Variants in PRKN observed in about 807,000 individuals in gnomAD.
The protein encoded by PRKN is E3 ubiquitin-protein ligase parkin.
In PRKN, 56 loss-of-function variants were observed where a neutral mutation model predicts 59.5. The observed-to-expected ratio is 0.94, with a 90% CI of 0.76 to 1.18. The LOEUF is 1.18. Ranked by LOEUF, PRKN falls within the 50% of genes most tolerant of loss-of-function variation. The pLI is 0.00. For synonymous variants in PRKN, 250 were observed against 222.1 expected (o/e 1.13, Z -1.12); for missense variants, 657 against 596.4 (o/e 1.10, Z -1.06).
chr6:161,394,105 C>A (rs1420755843), intron 9 of PRKN, among the ~76,000 whole-genome samples: 2 of 152,184 alleles, frequency 1.3e-5, no homozygotes, highest in African/African-American at 4.8e-5. Context: ...CTCGTTCTGA[C>A]AAGACAGTGC....
At chr6:162,218,802 T>C (rs1317317487) in intron 3 of PRKN, among the ~76,000 whole-genome samples, 1 of 152,118 alleles carries the variant, frequency 6.6e-6, no homozygotes, top group Admixed American at 6.6e-5. Flanking sequence ...CCTCCACTCA[T>C]GTTCCTCCGT....
At chr6:162,192,317 T>C (rs1373132868) in intron 4 of PRKN, among the ~76,000 whole-genome samples, 2 of 152,096 alleles carry the variant, frequency 1.3e-5, no homozygotes, top group African/African-American at 2.4e-5. Flanking sequence ...GTGTACCTCA[T>C]TGCCATAATG....
Position 162,006,546 on chromosome 6 carries a change from T to C in PRKN, c.619-33129A>G, listed in dbSNP as rs557037935. On this transcript the variant is annotated intron_variant, in intron 5 of 11. Coordinates refer to ENST00000366898, the MANE Select transcript of PRKN (RefSeq NM_004562.3). ...CCATGGTCTACAAGACCAACGTGAG[T>C]TGGCCCAGTCTGCACTCCACTCCTG... Among the ~76,000 whole-genome samples the C allele has an allele frequency of 4.6e-5, 7 of 152,296 alleles. No individual in the cohort carries two copies. In the East Asian group the frequency reaches 1.2e-3, roughly 25 times the overall value.
intron 4 of PRKN, among the ~76,000 whole-genome samples, chr6:162,178,613 G>C (rs1391704031): frequency 6.6e-6 from 1 of 152,168 alleles, no homozygotes; most frequent in African/African-American, 2.4e-5. Context: ...GTAGGATATT[G>C]TCACGTGCTG....
Position 162,215,861 on chromosome 6 carries a change from T to C in PRKN, c.413-14609A>G, listed in dbSNP as rs1211611266. 2.6e-5 allele frequency among the ~76,000 whole-genome samples: 4 copies of C among 151,484 alleles called. No homozygotes were observed. The East Asian group carries it at 7.9e-4, about 30-fold the overall frequency. ...GAGTTCAAGACTAGCTTGGCCAACA[T>C]GGTGAAACCCCATCTCTACTAAAAA... is the stretch of plus-strand genomic sequence containing the variant. On this transcript the variant is annotated intron_variant, in intron 3 of 11. Transcript: ENST00000366898.
intron 1 of PRKN, among the ~76,000 whole-genome samples, chr6:162,509,660 A>C (rs1218992524): frequency 6.6e-6 from 1 of 152,206 alleles, no homozygotes; most frequent in Non-Finnish European, 1.5e-5. Context: ...CAGAGATAGC[A>C]AATGTCTTAC....
chr6:162,375,623 CA>C (rs1222944021), intron 2 of PRKN, among the ~76,000 whole-genome samples: 2 of 151,788 alleles, frequency 1.3e-5, no homozygotes, highest in African/African-American at 2.4e-5. Flanking sequence ...GTCTGAAATA[CA>C]GAACACTTAT....
At chr6:161,714,875 T>A (rs950814780) in intron 7 of PRKN, among the ~76,000 whole-genome samples, 1 of 152,204 alleles carries the variant, frequency 6.6e-6, no homozygotes, top group Non-Finnish European at 1.5e-5. Flanking sequence ...TATCAGTGTT[T>A]ACTTCCTTGA....
At chr6:162,531,767 T>G (rs1778525172) in intron 1 of PRKN, among the ~76,000 whole-genome samples, 1 of 151,992 alleles carries the variant, frequency 6.6e-6, no homozygotes, top group South Asian at 2.1e-4. Context: ...GGCAATCTAG[T>G]CCCCAGGCAA....
chr6:162,242,036 C>T lies in PRKN; in HGVS notation c.412+20489G>A, dbSNP rs185340747. 3.3e-5 allele frequency among the ~76,000 whole-genome samples: 5 copies of T among 151,854 alleles called. No homozygotes were observed. The South Asian group carries it at 6.2e-4, about 19-fold the overall frequency. On this transcript the variant is annotated intron_variant, in intron 3 of 11. Transcript: ENST00000366898. ...CCATGGATAATTCTAAAATAAACTC[C>T]CACATTTAAAATTAAGGAGCCACAA...
chr6:161,426,849 G>C (rs1413748254), intron 9 of PRKN, among the ~76,000 whole-genome samples: 1 of 151,982 alleles, frequency 6.6e-6, no homozygotes, highest in African/African-American at 2.4e-5. Context: ...CTTCCGAGTA[G>C]CTGGGACTAC....
intron 1 of PRKN, among the ~76,000 whole-genome samples, chr6:162,527,188 TAGCA>T (rs1461691177): frequency 6.6e-6 from 1 of 152,172 alleles, no homozygotes; most frequent in Non-Finnish European, 1.5e-5. Flanking sequence ...GGGCAGTTTC[TAGCA>T]AGGATGAGCA....
chr6:161,655,421 C>T (rs576690695), intron 7 of PRKN, among the ~76,000 whole-genome samples: 1 of 152,096 alleles, frequency 6.6e-6, no homozygotes, highest in African/African-American at 2.4e-5. Flanking sequence ...CCCACCCAGG[C>T]TCTCACCACC....
chr6:162,270,821 GA>G (rs1780347006), intron 2 of PRKN: 1 of 151,462 alleles, frequency 6.6e-6, no homozygotes, highest in African/African-American at 2.4e-5. Context: ...TGCTTCTTCT[GA>G]AAATAACTTC....
intron 7 of PRKN, among the ~76,000 whole-genome samples, chr6:161,757,878 T>TAC (rs1172982499): frequency 6.3e-5 from 6 of 94,696 alleles, no homozygotes; most frequent in African/African-American, 3.0e-4. Context: ...TCTCTGTGTA[T>TAC]ATATATATAC....
At position 161,473,008 on chromosome 6, in the gene PRKN, G is replaced by A. The variant is rs142991142; in HGVS notation, c.1083+75846C>T. ...AAAAAGACATAACAAGCGGTAGCAC[G>A]GGTTGGAGAAAAGGGAACCCTGACA... On this transcript the variant is annotated intron_variant, in intron 9 of 11. Transcript: ENST00000366898. The surrounding 1 kb of genome is among the most constrained non-coding windows in gnomAD (Gnocchi z 4.1). 6.8e-4 allele frequency among the ~76,000 whole-genome samples: 103 copies of A among 152,236 alleles called. 4 individuals are homozygous for A. The East Asian group carries it at 0.015, about 22-fold the overall frequency.
intron 1 of PRKN, among the ~76,000 whole-genome samples, chr6:162,618,602 C>T (rs2846528): frequency 0.61 from 93,120 of 151,932 alleles, 29,254 homozygotes; most frequent in African/African-American, 0.75. Context: ...AAGAGTTTTA[C>T]TGCAGACTGA....
rs143846530 is a variant in PRKN at position 162,172,732 on chromosome 6, C to T, written c.534+28399G>A. ...TTTGTCATGTACTTTACAAAAGTGACAGGTTCCTATTCTTGGAAATGAATC... is the reference window on the plus strand; with the variant it reads ...TTTGTCATGTACTTTACAAAAGTGATAGGTTCCTATTCTTGGAAATGAATC... On this transcript the variant is annotated intron_variant, in intron 4 of 11. Transcript: ENST00000366898. Among the ~76,000 whole-genome samples, 16 of 152,230 alleles carry T rather than the reference C, an allele frequency of 1.1e-4. No homozygotes were observed. In the East Asian group the frequency reaches 3.1e-3, roughly 29 times the overall value.
intron 1 of PRKN, among the ~76,000 whole-genome samples, chr6:162,561,639 C>T (rs952420883): frequency 2.6e-5 from 4 of 152,158 alleles, no homozygotes; most frequent in African/African-American, 9.7e-5. Context: ...GGGCGAAGAG[C>T]ATCTCTGGGC....
Sources: allele counts gnomAD v4.1 joint callset (sites outside exome capture counted in the v4.1 genomes callset), GRCh38; gene constraint gnomAD v4.1.1; non-coding constraint Gnocchi (gnomAD v3.1); transcripts MANE v1.5; gene names NCBI Gene and HGNC (gene_info 2026-07-23, HGNC 2026-07-21).